Variants in PSIP1 observed in about 807,000 individuals in gnomAD.
PSIP1 encodes PC4 and SFRS1-interacting protein.
PSIP1 carries 19 observed loss-of-function variants against 74.7 expected under a neutral mutation model. The ratio of observed to expected loss-of-function variants is 0.25; its 90% CI spans 0.18 to 0.37. The LOEUF is 0.37. Ranked by LOEUF, PSIP1 falls within the 10% of genes least tolerant of loss-of-function variation. The pLI is 1.00. For missense variants in PSIP1, 601 were observed against 614.3 expected, an observed-to-expected ratio of 0.98 and a Z score of 0.23; for synonymous variants, 222 against 195.3, an observed-to-expected ratio of 1.14 and a Z score of -1.14.
intron 3 of PSIP1, among the ~76,000 whole-genome samples, chr9:15,502,290 T>C (rs1324101262): frequency 6.6e-6 from 1 of 152,154 alleles, no homozygotes; most frequent in Non-Finnish European, 1.5e-5. Context: ...AAAAAATCTA[T>C]ACATATTCAC....
In PSIP1 at chr9:15,464,597, A is replaced by G. The variant is rs928977159; in HGVS notation, c.*923T>C. On this transcript the variant is annotated 3_prime_UTR_variant, in exon 16 of 16. Coordinates refer to ENST00000380733, the MANE Select transcript of PSIP1 (RefSeq NM_033222.5). ...ATTTCAAATAGGTGAGTTTCCTTAT[A>G]TAACATTTATTCATATTTATTGTAT... 1 of 197,666 alleles carries G rather than the reference A, an allele frequency of 5.1e-6. No homozygotes were observed. Among genetic ancestry groups the G allele is most frequent in the Admixed American group, 6.0e-5 (1 of 16,530 alleles). 12.2% of individuals were successfully genotyped at this position (197,666 alleles called of 1,614,324 possible).
chr9:15,503,673 AC>A (rs1216028527), intron 3 of PSIP1, among the ~76,000 whole-genome samples: 1 of 151,858 alleles, frequency 6.6e-6, no homozygotes, highest in Non-Finnish European at 1.5e-5. Flanking sequence ...AAAAAAAAAA[AC>A]TTCAAATAAC....
chr9:15,478,521 G>C lies in PSIP1; in HGVS notation c.585C>G (p.Gly195=). ...ATEVKIPKPR[G]RPKMVKQPCP... ...AGGGCTGTTTTACCATTTTGGGTCTGCCTCTTGGTTTTGGAATCTTGACTT... is the reference window on the plus strand; with the variant it reads ...AGGGCTGTTTTACCATTTTGGGTCTCCCTCTTGGTTTTGGAATCTTGACTT... Residue 195 remains glycine, a synonymous_variant, in exon 8 of 16, where the codon GGC becomes GGG. Coordinates refer to ENST00000380733, the MANE Select transcript of PSIP1 (RefSeq NM_033222.5). The C allele has an allele frequency of 6.2e-7, 1 of 1,605,788 alleles. No homozygotes were observed.
chr9:15,475,295 G>T (rs1226271617), intron 8 of PSIP1, among the ~76,000 whole-genome samples: 1 of 152,088 alleles, frequency 6.6e-6, no homozygotes, highest in African/African-American at 2.4e-5. Flanking sequence ...GTAAAAGCAT[G>T]CAAGTGAAAC....
intron 5 of PSIP1, 120 bp from the exon 6 acceptor site, chr9:15,486,188 C>G: frequency 1.4e-6 from 1 of 726,094 alleles, no homozygotes; most frequent in Non-Finnish European, 2.2e-6. Flanking sequence ...CTGTTTTGCT[C>G]TGTAGAGTTC....
chr9:15,507,773 C>G (rs1055380770), intron 2 of PSIP1, among the ~76,000 whole-genome samples: 13 of 152,076 alleles, frequency 8.5e-5, no homozygotes, highest in African/African-American at 3.1e-4. Context: ...GACCTACTAT[C>G]CTCTGTAAGC....
Position 15,509,814 on chromosome 9 carries a change from CTCT to C in PSIP1, c.72+300_72+302del, listed in dbSNP as rs1304346299. Among the ~76,000 whole-genome samples the C allele has an allele frequency of 5.9e-5, 9 of 152,218 alleles. No individual in the cohort carries two copies. In the East Asian group the frequency reaches 9.6e-4, roughly 16 times the overall value. Reference sequence around the variant, plus strand: ...TCACTAATTTTTAAACAAAAATTCACTCTTCATTATTTCACCTACAATGGAATA... The same window carrying C: ...TCACTAATTTTTAAACAAAAATTCACTCATTATTTCACCTACAATGGAATA... On this transcript the variant is annotated intron_variant, in intron 2 of 15. Transcript: ENST00000380733.
intron 4 of PSIP1, among the ~76,000 whole-genome samples, chr9:15,488,345 A>C (rs2737841): frequency 0.83 from 126,529 of 151,874 alleles, 53,503 homozygotes; most frequent in Non-Finnish European, 0.91. Context: ...ACAACAACAA[A>C]AAAAAGAGTA....
At chr9:15,495,898 T>C (rs2037051480) in intron 3 of PSIP1, among the ~76,000 whole-genome samples, 1 of 152,200 alleles carries the variant, frequency 6.6e-6, no homozygotes, top group South Asian at 2.1e-4. Flanking sequence ...AGGTAAGCTA[T>C]TTATTCTATT....
chr9:15,487,490 G>A (rs985963465), intron 4 of PSIP1, among the ~76,000 whole-genome samples: 2 of 152,052 alleles, frequency 1.3e-5, no homozygotes, highest in Non-Finnish European at 1.5e-5. Flanking sequence ...AGCTACTCGG[G>A]AGGCTGAGGC....
At chr9:15,508,231 G>A (rs959719005) in intron 2 of PSIP1, among the ~76,000 whole-genome samples, 11 of 152,080 alleles carry the variant, frequency 7.2e-5, no homozygotes, top group African/African-American at 2.2e-4. Flanking sequence ...TCACCTTTAC[G>A]GCTCAGACTT....
At chr9:15,509,169 T>C in intron 2 of PSIP1, among the ~76,000 whole-genome samples, 1 of 152,222 alleles carries the variant, frequency 6.6e-6, no homozygotes, top group East Asian at 1.9e-4. Flanking sequence ...GAAATACATT[T>C]TCAAAGGACA....
chr9:15,491,603 A>AT (rs934595553), intron 3 of PSIP1, among the ~76,000 whole-genome samples: 18 of 152,252 alleles, frequency 1.2e-4, no homozygotes, highest in African/African-American at 4.3e-4. Context: ...TTATGTCCCA[A>AT]TAAGTCCACT....
At position 15,510,922 on chromosome 9, in the gene PSIP1, C is replaced by T. The variant is rs914721395; in HGVS notation, c.-247G>A. 1 of 153,078 alleles carries T rather than the reference C, an allele frequency of 6.5e-6. No homozygotes were observed. Among genetic ancestry groups the T allele is most frequent in the Non-Finnish European group, 1.5e-5 (1 of 68,484 alleles). 9.5% of individuals were successfully genotyped at this position (153,078 alleles called of 1,614,324 possible). ...AGCTGCCGCAGAGGCGTCTCAACGG[C>T]TCGGAATCGCAACCGCGCCGCCGCT... On this transcript the variant is annotated 5_prime_UTR_variant, in exon 1 of 16. Transcript: ENST00000380733.
chr9:15,471,804 C>T (rs1267782537), intron 10 of PSIP1: 9 of 950,282 alleles, frequency 9.5e-6, no homozygotes, highest in Non-Finnish European at 1.0e-5. Context: ...TGTTTTACTG[C>T]TCATCATTAA....
chr9:15,469,375 T>C (rs1367917065), intron 11 of PSIP1, 39 bp from the exon 12 acceptor site: 3 of 1,346,332 alleles, frequency 2.2e-6, no homozygotes, highest in Non-Finnish European at 3.1e-6. Flanking sequence ...GAACAGTTTT[T>C]CCAAAACCAG....
intron 1 of PSIP1, among the ~76,000 whole-genome samples, 189 bp downstream of exon 1, chr9:15,510,628 G>C (rs1046332258): frequency 2.9e-4 from 44 of 152,116 alleles, no homozygotes; most frequent in African/African-American, 9.4e-4. Context: ...GCATGGGAGA[G>C]AAAAAGGCAG....
intron 6 of PSIP1, among the ~76,000 whole-genome samples, chr9:15,484,134 A>C (rs77335721): frequency 6.9e-6 from 1 of 144,880 alleles, no homozygotes; most frequent in Non-Finnish European, 1.5e-5. Context: ...TCTGTATCCA[A>C]AAAAAAAAAA....
Position 15,510,222 on chromosome 9 carries a change from G to A in PSIP1, c.-34C>T, listed in dbSNP as rs373245264. 1 of 1,589,294 alleles carries A rather than the reference G, an allele frequency of 6.3e-7. No homozygotes were observed. Among genetic ancestry groups the A allele is most frequent in the Non-Finnish European group, 8.6e-7 (1 of 1,168,362 alleles). On this transcript the variant is annotated 5_prime_UTR_variant, in exon 2 of 16. Transcript: ENST00000380733. ...GGCGAGACCGGGGGTCCGAAGCCCG[G>A]GAGGCGGCGAGGAGATGCGGCGGCG...
Sources: allele counts gnomAD v4.1 joint callset (sites outside exome capture counted in the v4.1 genomes callset), GRCh38; gene constraint gnomAD v4.1.1; transcripts MANE v1.5; gene names NCBI Gene and HGNC (gene_info 2026-07-23, HGNC 2026-07-21).